ZNF827: variants seen among roughly 807,000 people sequenced by gnomAD.
ZNF827 encodes zinc finger protein 827.
A neutral mutation model predicts 102.4 loss-of-function variants in ZNF827; 13 were observed. The observed-to-expected ratio is 0.13, with a 90% CI of 0.08 to 0.20. The LOEUF (loss-of-function observed/expected upper bound fraction) is 0.20, where lower values mean the gene tolerates loss of function less well. Ranked by LOEUF, ZNF827 falls within the 10% of genes least tolerant of loss-of-function variation. The pLI is 1.00. For synonymous variants in ZNF827, 523 were observed against 536.2 expected (o/e 0.98, Z 0.34); for missense variants, 1,103 against 1,344.4 (o/e 0.82, Z 2.81).
intron 6 of ZNF827, among the ~76,000 whole-genome samples, chr4:145,846,940 G>C (rs1411037508): frequency 1.4e-5 from 2 of 146,658 alleles, no homozygotes; most frequent in Non-Finnish European, 3.0e-5. Flanking sequence ...GATCACCTGA[G>C]GTCAGGAGTT....
At chr4:145,913,013 C>T (rs1752398004) in intron 1 of ZNF827, among the ~76,000 whole-genome samples, 1 of 152,172 alleles carries the variant, frequency 6.6e-6, no homozygotes, top group Admixed American at 6.5e-5. Flanking sequence ...GATATTATTA[C>T]ATAAAACCGA....
intron 7 of ZNF827, among the ~76,000 whole-genome samples, chr4:145,837,473 C>T (rs1027207149): frequency 7.8e-4 from 110 of 140,230 alleles, no homozygotes; most frequent in African/African-American, 2.7e-3. Context: ...CTGTGCCCCC[C>T]ACCAAAAAAA....
chr4:145,761,108 C>G lies in ZNF827; in HGVS notation c.*508G>C, dbSNP rs1381719971. 7.8e-7 allele frequency: 1 copy of G among 1,289,540 alleles called. No individual in the cohort carries two copies. The highest frequency in any genetic ancestry group is 1.0e-6 in the Non-Finnish European group (1 of 988,706). The allele number at this position is 1,289,540 out of a possible 1,614,324, so 79.9% of individuals were successfully genotyped here. A position where few individuals can be genotyped will look rare whatever the true frequency, so the allele number is the denominator to read the frequency against. On this transcript the variant is annotated 3_prime_UTR_variant, in exon 15 of 15. Transcript: ENST00000508784. The surrounding 1 kb of genome is among the most constrained non-coding windows in gnomAD (Gnocchi z 6.8). ...GGAGACAGGAGATTCCGGGAGCTCCCGACCACCAGGAGCGGGGCCCCCGGG... is the reference window on the plus strand; with the variant it reads ...GGAGACAGGAGATTCCGGGAGCTCCGGACCACCAGGAGCGGGGCCCCCGGG...
chr4:145,775,366 G>C (rs2126944088), intron 10 of ZNF827, among the ~76,000 whole-genome samples: 1 of 151,716 alleles, frequency 6.6e-6, no homozygotes, highest in Admixed American at 6.6e-5. Context: ...TACAACCATG[G>C]GGAAATACGT....
intron 4 of ZNF827, among the ~76,000 whole-genome samples, chr4:145,876,031 G>A (rs1440294899): frequency 6.6e-6 from 1 of 152,172 alleles, no homozygotes; most frequent in African/African-American, 2.4e-5. Context: ...GTTTTGTGTA[G>A]TAGCCCTTGT....
At chr4:145,845,324 G>T (rs1157443618) in intron 7 of ZNF827, among the ~76,000 whole-genome samples, 2 of 152,202 alleles carry the variant, frequency 1.3e-5, no homozygotes, top group East Asian at 3.8e-4. Context: ...ACGGCAGATG[G>T]ACGGTGGGCA....
intron 8 of ZNF827, among the ~76,000 whole-genome samples, chr4:145,792,131 A>G (rs551542775): frequency 1.3e-5 from 2 of 152,346 alleles, no homozygotes; most frequent in Non-Finnish European, 2.9e-5. Flanking sequence ...AAGGAGGCCA[A>G]TACCATGTGT....
At chr4:145,849,176 G>T in intron 6 of ZNF827, 146 bp downstream of exon 6, 1 of 927,816 alleles carries the variant, frequency 1.1e-6, no homozygotes, top group Non-Finnish European at 1.6e-6. Context: ...GTTAGTTTGG[G>T]TGGCAGTATG....
intron 1 of ZNF827, among the ~76,000 whole-genome samples, chr4:145,912,072 T>C (rs1414532189): frequency 6.6e-6 from 1 of 152,190 alleles, no homozygotes; most frequent in Admixed American, 6.5e-5. Flanking sequence ...ATTCAGAACA[T>C]CTGACAATAT....
At chr4:145,935,363 C>G (rs1011833521) in intron 1 of ZNF827, among the ~76,000 whole-genome samples, 1 of 152,210 alleles carries the variant, frequency 6.6e-6, no homozygotes, top group African/African-American at 2.4e-5. Context: ...ACACCACTTG[C>G]AAGTTTCAAG....
intron 11 of ZNF827, among the ~76,000 whole-genome samples, chr4:145,769,969 C>T (rs1735995158): frequency 6.6e-6 from 1 of 152,160 alleles, no homozygotes; most frequent in African/African-American, 2.4e-5. Flanking sequence ...AGCACTTCTA[C>T]TTTTAAATTG....
chr4:145,889,087 T>C (rs925099314), intron 3 of ZNF827, among the ~76,000 whole-genome samples: 2 of 152,248 alleles, frequency 1.3e-5, no homozygotes, highest in African/African-American at 4.8e-5. Context: ...AATGGTTATT[T>C]ATCATTCTTG....
chr4:145,896,537 G>A (rs1398967272), intron 2 of ZNF827, among the ~76,000 whole-genome samples: 1 of 152,212 alleles, frequency 6.6e-6, no homozygotes, highest in Non-Finnish European at 1.5e-5. Context: ...GTAAGTGTGT[G>A]TTAGACCGTA....
chr4:145,812,427 C>T lies in ZNF827; in HGVS notation c.2383+10995G>A, dbSNP rs567171755. On this transcript the variant is annotated intron_variant, in intron 8 of 14. Transcript: ENST00000508784. The stretch of plus-strand genomic sequence containing the variant: ...TAACGTTTCTTTAGTGGTTGGCAAT[C>T]AGCTCGGCATCTAAGGTGAAAAAAC... Among the ~76,000 whole-genome samples, 14 of 152,266 alleles carry T rather than the reference C, an allele frequency of 9.2e-5. No individual in the cohort carries two copies. In the East Asian group the frequency reaches 2.5e-3, roughly 27 times the overall value.
intron 4 of ZNF827, among the ~76,000 whole-genome samples, chr4:145,872,966 T>C (rs989677805): frequency 5.5e-5 from 8 of 144,752 alleles, no homozygotes; most frequent in Admixed American, 1.4e-4. Context: ...TTTTTTGAGA[T>C]GCTTTGTCAC....
intron 11 of ZNF827, among the ~76,000 whole-genome samples, chr4:145,771,916 C>G (rs908185031): frequency 6.6e-6 from 1 of 152,180 alleles, no homozygotes; most frequent in Non-Finnish European, 1.5e-5. Flanking sequence ...ATTAGAGAAT[C>G]TTAGGCCTAA....
chr4:145,843,209 T>C (rs866851791), intron 7 of ZNF827, among the ~76,000 whole-genome samples: 3 of 138,762 alleles, frequency 2.2e-5, no homozygotes, highest in African/African-American at 8.1e-5. Context: ...TCAAGTAAGC[T>C]GCCTCTACTC....
At position 145,765,413 on chromosome 4, in the gene ZNF827, T is replaced by G; in HGVS notation, c.3052+134A>C. 1 of 1,144,080 alleles carries G rather than the reference T, an allele frequency of 8.7e-7. No individual in the cohort carries two copies. Among genetic ancestry groups the G allele is most frequent in the Non-Finnish European group, 1.2e-6 (1 of 823,168 alleles). The allele number at this position is 1,144,080 out of a possible 1,614,324, so 70.9% of individuals were successfully genotyped here. A position where few individuals can be genotyped will look rare whatever the true frequency, so the allele number is the denominator to read the frequency against. On this transcript the variant is annotated intron_variant, in intron 12 of 14. Transcript: ENST00000508784. The surrounding 1 kb of genome is among the most constrained non-coding windows in gnomAD (Gnocchi z 4.7). Reference sequence around the variant, plus strand: ...ATTAAGCCAAAAGAAATACAACCTTTAGGTGAGGCCCAGCATACTGCATCC... The same window carrying G: ...ATTAAGCCAAAAGAAATACAACCTTGAGGTGAGGCCCAGCATACTGCATCC...
At chr4:145,829,423 C>A (rs562709932) in intron 7 of ZNF827, among the ~76,000 whole-genome samples, 128 of 152,068 alleles carry the variant, frequency 8.4e-4, no homozygotes, top group African/African-American at 2.4e-3. Context: ...AAAAAAAATT[C>A]TTCGGTGAAT....
Sources: gnomAD v4.1 joint callset for allele counts (sites outside exome capture counted in the v4.1 genomes callset) on GRCh38, gnomAD v4.1.1 for gene constraint, Gnocchi (gnomAD v3.1) non-coding constraint, MANE v1.5 for transcripts, NCBI Gene and HGNC (gene_info 2026-07-23, HGNC 2026-07-21) for gene names.